GRIK3: variants seen among roughly 807,000 people sequenced by gnomAD.
The protein encoded by GRIK3 is glutamate receptor ionotropic, kainate 3.
Under a neutral mutation model 102.5 loss-of-function variants are expected in GRIK3, and 29 were observed. That is an observed-to-expected ratio of 0.28 (90% CI 0.21 to 0.39). GRIK3 has a LOEUF of 0.39. GRIK3 is among the 10% of genes least tolerant of loss of function. The pLI is 1.00. For synonymous variants in GRIK3, 511 were observed against 504.9 expected (o/e 1.01, Z -0.16); for missense variants, 908 against 1,252.4 (o/e 0.73, Z 4.15).
At chr1:36,826,874 A>T (rs1347421913) in intron 10 of GRIK3, among the ~76,000 whole-genome samples, 2 of 152,100 alleles carry the variant, frequency 1.3e-5, no homozygotes, top group East Asian at 3.9e-4. Flanking sequence ...CTGATTAAAA[A>T]ACTAGATTCC....
chr1:36,817,335 G>A, intron 12 of GRIK3, 58 bp from the exon 13 acceptor site: 1 of 1,140,516 alleles, frequency 8.8e-7, no homozygotes, highest in Admixed American at 1.7e-5. Context: ...CGCTGCTCAA[G>A]TCCCCTGGGT....
chr1:36,948,804 C>T (rs550889979), intron 1 of GRIK3, among the ~76,000 whole-genome samples: 2 of 152,254 alleles, frequency 1.3e-5, no homozygotes, highest in South Asian at 2.1e-4. Context: ...TCCAGCCCTC[C>T]AGCCCACTGC....
intron 13 of GRIK3, among the ~76,000 whole-genome samples, chr1:36,813,708 G>C (rs979583908): frequency 8.6e-5 from 13 of 151,404 alleles, no homozygotes; most frequent in African/African-American, 3.2e-4. Context: ...GGGCAGAGGG[G>C]TGACAAGGCA....
intron 1 of GRIK3, among the ~76,000 whole-genome samples, chr1:36,914,513 C>T (rs1038848409): frequency 2.0e-5 from 3 of 152,140 alleles, no homozygotes; most frequent in African/African-American, 7.2e-5. Flanking sequence ...GAGCATCTTA[C>T]TGGAAACACG....
At chr1:36,920,086 C>T (rs115968677) in intron 1 of GRIK3, among the ~76,000 whole-genome samples, 3,172 of 152,318 alleles carry the variant, frequency 0.021, 108 homozygotes, top group African/African-American at 0.071. Flanking sequence ...AATTAAGGAG[C>T]TGTAGCAGAC....
chr1:36,915,147 C>G (rs1341741783), intron 1 of GRIK3, among the ~76,000 whole-genome samples: 1 of 152,210 alleles, frequency 6.6e-6, no homozygotes, highest in Non-Finnish European at 1.5e-5. Context: ...GTGTCAAGTA[C>G]TGGGCATACA....
chr1:36,927,567 C>T (rs1483998262), intron 1 of GRIK3, among the ~76,000 whole-genome samples: 1 of 152,108 alleles, frequency 6.6e-6, no homozygotes, highest in African/African-American at 2.4e-5. Flanking sequence ...TCAGGCCACA[C>T]TCCATGTCGC....
At chr1:36,938,622 A>G (rs1007018054) in intron 1 of GRIK3, among the ~76,000 whole-genome samples, 2 of 152,022 alleles carry the variant, frequency 1.3e-5, no homozygotes, top group Non-Finnish European at 2.9e-5. Context: ...CCCAGCTCAA[A>G]CCATCCCCCA....
At chr1:36,985,965 T>C (rs1344057070) in intron 1 of GRIK3, among the ~76,000 whole-genome samples, 1 of 151,636 alleles carries the variant, frequency 6.6e-6, no homozygotes, top group East Asian at 1.9e-4. Context: ...TTGTAAGGAG[T>C]GTAGGGGCAG....
chr1:36,810,957 G>T (rs1642555344), intron 13 of GRIK3, among the ~76,000 whole-genome samples: 1 of 152,196 alleles, frequency 6.6e-6, no homozygotes, highest in Admixed American at 6.5e-5. Flanking sequence ...AGTGAGAGGG[G>T]TGAGCTCCAC....
In GRIK3 at chr1:36,872,143, C is replaced by T. The variant is rs1460507549; in HGVS notation, c.732+45G>A. On this transcript the variant is annotated intron_variant, in intron 4 of 15. Coordinates refer to ENST00000373091, the MANE Select transcript of GRIK3 (RefSeq NM_000831.4). The surrounding 1 kb of genome is among the most constrained non-coding windows in gnomAD (Gnocchi z 5.9). ...TGGGAAGGGGACGTGGGAGAAGTGG[C>T]CAGCAGACCCCAGTCATCTGTCCCG... 2.0e-6 allele frequency: 3 copies of T among 1,498,404 alleles called. No individual in the cohort carries two copies. The highest frequency in any genetic ancestry group is 2.7e-6 in the Non-Finnish European group (3 of 1,114,124). 92.8% of individuals were successfully genotyped at this position (1,498,404 alleles called of 1,614,324 possible). A position where few individuals can be genotyped will look rare whatever the true frequency, so the allele number is the denominator to read the frequency against.
chr1:36,897,056 A>G (rs1441192982), intron 1 of GRIK3, among the ~76,000 whole-genome samples: 3 of 152,170 alleles, frequency 2.0e-5, no homozygotes, highest in Non-Finnish European at 2.9e-5. Context: ...CAATGGTAAG[A>G]GACTGAAAGC....
intron 1 of GRIK3, among the ~76,000 whole-genome samples, chr1:36,925,759 A>G (rs1641519768): frequency 1.3e-5 from 2 of 152,210 alleles, no homozygotes; most frequent in East Asian, 3.9e-4. Flanking sequence ...GCCATTTGGA[A>G]TGTCTGGGTC....
chr1:36,999,837 C>G (rs1231078502), intron 1 of GRIK3, among the ~76,000 whole-genome samples: 2 of 152,098 alleles, frequency 1.3e-5, no homozygotes, highest in East Asian at 3.9e-4. Flanking sequence ...TTAGAACTTA[C>G]CATTACTAAA....
At chr1:36,932,542 G>T (rs112763723) in intron 1 of GRIK3, among the ~76,000 whole-genome samples, 3,213 of 152,266 alleles carry the variant, frequency 0.021, 110 homozygotes, top group African/African-American at 0.072. Flanking sequence ...GACCACAGAG[G>T]CAACACTCCC....
At chr1:36,849,298 T>A (rs1640554161) in intron 9 of GRIK3, among the ~76,000 whole-genome samples, 1 of 152,176 alleles carries the variant, frequency 6.6e-6, no homozygotes, top group South Asian at 2.1e-4. Context: ...ACAAGCCCCA[T>A]CTGAGCACCG....
At chr1:36,974,655 C>A (rs1014913985) in intron 1 of GRIK3, among the ~76,000 whole-genome samples, 2 of 151,868 alleles carry the variant, frequency 1.3e-5, no homozygotes, top group African/African-American at 4.8e-5. Flanking sequence ...AAAAAATTAG[C>A]CGGGCGTGGT....
At chr1:36,893,659 T>C (rs1290282992) in intron 1 of GRIK3, among the ~76,000 whole-genome samples, 1 of 152,182 alleles carries the variant, frequency 6.6e-6, no homozygotes, top group African/African-American at 2.4e-5. Context: ...GCCCTAAAAA[T>C]GTCCACGCCT....
chr1:36,823,076 C>T (rs1009351486), intron 11 of GRIK3, among the ~76,000 whole-genome samples: 1 of 152,166 alleles, frequency 6.6e-6, no homozygotes, highest in African/African-American at 2.4e-5. Context: ...GAACTGTGGG[C>T]AGCTGTGTCC....
Sources: gnomAD v4.1 joint callset for allele counts (sites outside exome capture counted in the v4.1 genomes callset) on GRCh38, gnomAD v4.1.1 for gene constraint, Gnocchi (gnomAD v3.1) non-coding constraint, MANE v1.5 for transcripts, NCBI Gene and HGNC (gene_info 2026-07-23, HGNC 2026-07-21) for gene names.